Variants in GOLGA5 observed in about 807,000 individuals in gnomAD.
GOLGA5 encodes the protein golgin subfamily A member 5.
Under a neutral mutation model 93.5 loss-of-function variants are expected in GOLGA5, and 50 were observed. The ratio of observed to expected loss-of-function variants is 0.53; its 90% CI spans 0.43 to 0.68. The LOEUF (loss-of-function observed/expected upper bound fraction) is 0.68. GOLGA5 is among the 30% of genes least tolerant of loss of function. GOLGA5 has a pLI of 0.00. For missense variants in GOLGA5, 760 were observed against 856.4 expected, an observed-to-expected ratio of 0.89 and a Z score of 1.40; for synonymous variants, 312 against 304.5, an observed-to-expected ratio of 1.02 and a Z score of -0.26.
chr14:92,818,268 T>G (rs963957402), intron 7 of GOLGA5, among the ~76,000 whole-genome samples: 1 of 152,248 alleles, frequency 6.6e-6, no homozygotes. Context: ...AGCTATTGTT[T>G]ACTGAGCACG....
intron 6 of GOLGA5, among the ~76,000 whole-genome samples, chr14:92,814,294 G>A: frequency 6.6e-6 from 1 of 152,178 alleles, no homozygotes; most frequent in Admixed American, 6.5e-5. Context: ...GTCAGAGATT[G>A]GAGAGAACCA....
Position 92,810,305 on chromosome 14 carries a change from G to A in GOLGA5, c.1044G>A (p.Gln348=), listed in dbSNP as rs762492990. Residue 348 remains glutamine (Q), a synonymous_variant, in exon 5 of 13, where the codon CAG becomes CAA. Transcript: ENST00000163416. ...EGNSLQNQAL[Q]TFQERLHEAD... ...ACAGCCTGCAGAATCAAGCTCTGCA[G>A]ACTTTTCAGGAGAGACTGCATGAAG... 6.2e-7 allele frequency: 1 copy of A among 1,604,028 alleles called. No individual in the cohort carries two copies. Among genetic ancestry groups the A allele is most frequent in the East Asian group, 2.2e-5 (1 of 44,662 alleles).
At chr14:92,817,342 GA>G (rs1220431776) in intron 7 of GOLGA5, among the ~76,000 whole-genome samples, 1 of 152,150 alleles carries the variant, frequency 6.6e-6, no homozygotes, top group Non-Finnish European at 1.5e-5. Context: ...CCTAGGTTTG[GA>G]ATTAGAACAG....
chr14:92,795,219 G>C (rs1472631968), intron 1 of GOLGA5, among the ~76,000 whole-genome samples: 1 of 152,108 alleles, frequency 6.6e-6, no homozygotes, highest in Non-Finnish European at 1.5e-5. Flanking sequence ...GATTACAGGC[G>C]TGAGCCACAG....
intron 3 of GOLGA5, among the ~76,000 whole-genome samples, chr14:92,807,313 A>T (rs1885009864): frequency 1.5e-5 from 1 of 67,412 alleles, no homozygotes; most frequent in African/African-American, 7.4e-5. Flanking sequence ...AAAATAAATA[A>T]ATAAAAATAA....
chr14:92,810,237 G>C lies in GOLGA5; in HGVS notation c.993-17G>C, dbSNP rs1404004048. The C allele has an allele frequency of 6.3e-7, 1 of 1,583,244 alleles. No homozygotes were observed. Among genetic ancestry groups the C allele is most frequent in the South Asian group, 1.1e-5 (1 of 88,146 alleles). On this transcript the variant is annotated splice_polypyrimidine_tract_variant and intron_variant, in intron 4 of 12. Transcript: ENST00000163416. The stretch of plus-strand genomic sequence containing the variant: ...ACTGTAGACATGAGTTATTTCACAT[G>C]ATGCATTTTCCTTTAGAATAATGCA...
At chr14:92,823,676 A>G (rs35302148) in intron 8 of GOLGA5, among the ~76,000 whole-genome samples, 295 of 152,016 alleles carry the variant, frequency 1.9e-3, no homozygotes, top group African/African-American at 6.9e-3. Context: ...CAGCCTCCCC[A>G]AGTGCTAGAA....
At chr14:92,816,569 C>A in intron 7 of GOLGA5, 148 bp downstream of exon 7, 2 of 627,916 alleles carry the variant, frequency 3.2e-6, no homozygotes, top group Non-Finnish European at 5.5e-6. Context: ...CCTCCTCTTC[C>A]TCTTCTCTTC....
chr14:92,822,051 A>G (rs1885326918), intron 8 of GOLGA5, among the ~76,000 whole-genome samples: 2 of 152,220 alleles, frequency 1.3e-5, no homozygotes, highest in Non-Finnish European at 2.9e-5. Context: ...TCCAAATGGA[A>G]AGTGTTTAAT....
rs755832283 is a variant in GOLGA5, at chr14:92,806,863, G to A, written c.672G>A (p.Leu224=). The A allele has an allele frequency of 9.3e-6, 15 of 1,613,838 alleles. No individual in the cohort carries two copies. In the South Asian group the frequency reaches 1.6e-4, roughly 18 times the overall value. The change falls in exon 3 of 13, where the codon CTG becomes CTA. Residue 224 remains leucine, a synonymous_variant. Transcript: ENST00000163416. ...TPNDDGKSHE[L]SNLRLENQLL... is the part of the protein sequence containing the mutation. ...ATGATGATGGCAAATCACATGAACT[G>A]TCTAACCTTCGACTGGAGAATCAGC...
At chr14:92,823,594 TTGTAGAGA>T (rs962591204) in intron 8 of GOLGA5, among the ~76,000 whole-genome samples, 4 of 152,014 alleles carry the variant, frequency 2.6e-5, no homozygotes, top group African/African-American at 7.2e-5. Context: ...TTTTTATATT[TTGTAGAGA>T]TGAGGTCTCA....
At chr14:92,804,985 C>G (rs1884953495) in intron 2 of GOLGA5, among the ~76,000 whole-genome samples, 1 of 152,166 alleles carries the variant, frequency 6.6e-6, no homozygotes, top group African/African-American at 2.4e-5. Flanking sequence ...GTGCCCATTC[C>G]CTACCCCACT....
chr14:92,804,228 T>C (rs1884934097), intron 2 of GOLGA5, among the ~76,000 whole-genome samples: 1 of 151,972 alleles, frequency 6.6e-6, no homozygotes, highest in Non-Finnish European at 1.5e-5. Flanking sequence ...TTATTTTTTA[T>C]ATTATTTAAA....
intron 10 of GOLGA5, among the ~76,000 whole-genome samples, chr14:92,834,480 C>G (rs1885598504): frequency 6.6e-6 from 1 of 151,928 alleles, no homozygotes; most frequent in African/African-American, 2.4e-5. Context: ...TTTAAAGTCC[C>G]AAAGGAGGTA....
At chr14:92,814,533 T>C (rs748341706) in intron 6 of GOLGA5, among the ~76,000 whole-genome samples, 1 of 151,928 alleles carries the variant, frequency 6.6e-6, no homozygotes, top group African/African-American at 2.4e-5. Flanking sequence ...AGTAGCTAGA[T>C]GGGGGAATGA....
Position 92,813,784 on chromosome 14 carries a change from G to T in GOLGA5, c.1320+2030G>T, listed in dbSNP as rs141522132. On this transcript the variant is annotated intron_variant, in intron 6 of 12. Transcript: ENST00000163416. ...TGTTGAAAACATGGAAGTGATAAGG[G>T]GTGGCATCAATGGCATGTAGATGGT... 7.9e-4 allele frequency among the ~76,000 whole-genome samples: 120 copies of T among 152,230 alleles called. 1 individual carries two copies. The East Asian group carries it at 0.02, about 25-fold the overall frequency.
intron 9 of GOLGA5, among the ~76,000 whole-genome samples, chr14:92,832,681 C>T (rs571078703): frequency 3.7e-4 from 56 of 152,288 alleles, no homozygotes; most frequent in Non-Finnish European, 7.6e-4. Context: ...TTGCACTGCA[C>T]CGTAACTGTT....
At chr14:92,796,781 T>C (rs1884738880) in intron 1 of GOLGA5, among the ~76,000 whole-genome samples, 1 of 99,926 alleles carries the variant, frequency 1.0e-5, no homozygotes, top group South Asian at 4.3e-4. Flanking sequence ...CCATCCCGGC[T>C]AACAAGGTGA....
chr14:92,833,384 C>T (rs1228180752), intron 10 of GOLGA5, 37 bp downstream of exon 10: 2 of 1,348,870 alleles, frequency 1.5e-6, no homozygotes, highest in Non-Finnish European at 2.1e-6. Context: ...ACATTTCATT[C>T]AAACATGCTT....
Sources: gnomAD v4.1 joint callset for allele counts (sites outside exome capture counted in the v4.1 genomes callset) on GRCh38, gnomAD v4.1.1 for gene constraint, MANE v1.5 for transcripts, NCBI Gene and HGNC (gene_info 2026-07-23, HGNC 2026-07-21) for gene names.